KCTD16: variants seen among roughly 807,000 people sequenced by gnomAD.
KCTD16 encodes BTB/POZ domain-containing protein KCTD16.
In KCTD16, 13 loss-of-function variants were observed where a neutral mutation model predicts 33.2. The observed-to-expected ratio is 0.39, with a 90% CI of 0.25 to 0.62. KCTD16 has a LOEUF of 0.62. Ranked by LOEUF, KCTD16 falls within the 20% of genes least tolerant of loss-of-function variation. The probability of loss-of-function intolerance (pLI) is 0.50; values close to 1 mark genes in which losing one functional copy is unlikely to be tolerated. For missense variants in KCTD16, 441 were observed against 525.1 expected, an observed-to-expected ratio of 0.84 and a Z score of 1.57; for synonymous variants, 197 against 195.3, an observed-to-expected ratio of 1.01 and a Z score of -0.07.
intron 3 of KCTD16, among the ~76,000 whole-genome samples, chr5:144,265,711 T>C (rs1394984918): frequency 6.6e-6 from 1 of 152,220 alleles, no homozygotes; most frequent in Non-Finnish European, 1.5e-5. Flanking sequence ...AACATAAATA[T>C]ATGTCATGTG....
chr5:144,471,477 T>C (rs1206721041), intron 3 of KCTD16, among the ~76,000 whole-genome samples: 1 of 152,196 alleles, frequency 6.6e-6, no homozygotes, highest in East Asian at 1.9e-4. Flanking sequence ...TCTACACTTT[T>C]CCAAAAAGGT....
intron 3 of KCTD16, among the ~76,000 whole-genome samples, chr5:144,241,913 A>G (rs1341279114): frequency 6.6e-6 from 1 of 152,164 alleles, no homozygotes; most frequent in Non-Finnish European, 1.5e-5. Context: ...CTGGTGCCAC[A>G]TCTATGATAC....
chr5:144,382,017 T>TATACATACATACATACATACATAC lies in KCTD16; in HGVS notation c.833-91635_833-91612dup, dbSNP rs111382461. Among the ~76,000 whole-genome samples, 283 of 149,870 alleles carry TATACATACATACATACATACATAC rather than the reference T, an allele frequency of 1.9e-3. 3 individuals carry two copies. Among genetic ancestry groups the TATACATACATACATACATACATAC allele is most frequent in the African/African-American group, 6.8e-3 (276 of 40,736 alleles). On this transcript the variant is annotated intron_variant, in intron 3 of 3. Coordinates refer to ENST00000512467, the MANE Select transcript of KCTD16 (RefSeq NM_020768.4). ...TGGACTGGATGAAAGAAGATGTTTA[T>TATACATACATACATACATACATAC]ATACATACATACATACATACATACA...
At chr5:144,291,371 C>T (rs1216765198) in intron 3 of KCTD16, among the ~76,000 whole-genome samples, 1 of 152,136 alleles carries the variant, frequency 6.6e-6, no homozygotes, top group East Asian at 1.9e-4. Flanking sequence ...TGATTTCTTC[C>T]TCAACTCTCT....
At chr5:144,296,991 G>A (rs1228071672) in intron 3 of KCTD16, among the ~76,000 whole-genome samples, 1 of 152,130 alleles carries the variant, frequency 6.6e-6, no homozygotes, top group Non-Finnish European at 1.5e-5. Flanking sequence ...ATTTGCTCAT[G>A]TCCTGAACTT....
At chr5:144,408,850 T>C (rs1480124559) in intron 3 of KCTD16, among the ~76,000 whole-genome samples, 2 of 152,192 alleles carry the variant, frequency 1.3e-5, no homozygotes, top group African/African-American at 4.8e-5. Flanking sequence ...TCATGTTCCT[T>C]ATTCCTCCCC....
intron 3 of KCTD16, among the ~76,000 whole-genome samples, chr5:144,277,881 A>C (rs968775808): frequency 3.3e-5 from 5 of 152,192 alleles, no homozygotes; most frequent in African/African-American, 1.2e-4. Flanking sequence ...TTATTGTTGC[A>C]TTTTTGTTAA....
rs1249124378 is a variant in KCTD16 at position 144,476,069 on chromosome 5, G to A, written c.*1955G>A. 6.6e-6 allele frequency: 1 copy of A among 152,184 alleles called. No individual in the cohort carries two copies. The highest frequency in any genetic ancestry group is 2.4e-5 in the African/African-American group (1 of 41,446). 9.4% of individuals were successfully genotyped at this position (152,184 alleles called of 1,614,324 possible). ...TCTTAACTACAACATAGCTTTGTTT[G>A]TAAACTTACCAGTATGTCTTGATTC... On this transcript the variant is annotated 3_prime_UTR_variant, in exon 4 of 4. Transcript: ENST00000512467.
chr5:144,205,115 C>A (rs747762372), intron 2 of KCTD16, among the ~76,000 whole-genome samples: 2 of 152,090 alleles, frequency 1.3e-5, no homozygotes, highest in Non-Finnish European at 2.9e-5. Flanking sequence ...GAGGTAAAGA[C>A]AAGGAAGAAG....
chr5:144,248,164 G>C (rs977062981), intron 3 of KCTD16, among the ~76,000 whole-genome samples: 1 of 152,174 alleles, frequency 6.6e-6, no homozygotes, highest in Non-Finnish European at 1.5e-5. Context: ...AAGCCCCTTG[G>C]AGGCAGAGAC....
At chr5:144,321,561 G>A (rs963817711) in intron 3 of KCTD16, among the ~76,000 whole-genome samples, 1 of 152,162 alleles carries the variant, frequency 6.6e-6, no homozygotes, top group African/African-American at 2.4e-5. Flanking sequence ...TAGCTGCAAT[G>A]TTTTAATTCA....
At chr5:144,393,087 T>C (rs1322414774) in intron 3 of KCTD16, among the ~76,000 whole-genome samples, 2 of 152,218 alleles carry the variant, frequency 1.3e-5, no homozygotes, top group African/African-American at 2.4e-5. Flanking sequence ...TGATGAATGA[T>C]AGTATAATTT....
intron 3 of KCTD16, among the ~76,000 whole-genome samples, chr5:144,458,636 A>G (rs530470626): frequency 6.6e-6 from 1 of 152,214 alleles, no homozygotes; most frequent in South Asian, 2.1e-4. Flanking sequence ...CTGGGGTCCA[A>G]TAGAAATCTA....
At chr5:144,278,956 T>A (rs1006169668) in intron 3 of KCTD16, among the ~76,000 whole-genome samples, 3 of 152,230 alleles carry the variant, frequency 2.0e-5, no homozygotes, top group African/African-American at 7.2e-5. Context: ...TAATGAGATA[T>A]CCCTCTACTT....
intron 3 of KCTD16, among the ~76,000 whole-genome samples, chr5:144,467,072 AATATATATAGTGT>A (rs1754359856): frequency 7.6e-6 from 1 of 132,268 alleles, no homozygotes; most frequent in African/African-American, 2.8e-5. Context: ...TATTATATAT[AATATATATAGTGT>A]TATATATATT....
intron 3 of KCTD16, among the ~76,000 whole-genome samples, chr5:144,368,507 A>G (rs1751889583): frequency 6.6e-6 from 1 of 152,204 alleles, no homozygotes; most frequent in African/African-American, 2.4e-5. Flanking sequence ...AACTCAGACC[A>G]GTAGCCACAA....
At chr5:144,465,108 CA>C (rs1418367694) in intron 3 of KCTD16, among the ~76,000 whole-genome samples, 1 of 150,684 alleles carries the variant, frequency 6.6e-6, no homozygotes, top group Non-Finnish European at 1.5e-5. Flanking sequence ...TGAAATAATA[CA>C]AGTAAAATGT....
At chr5:144,412,093 G>A (rs370799517) in intron 3 of KCTD16, among the ~76,000 whole-genome samples, 12 of 152,276 alleles carry the variant, frequency 7.9e-5, no homozygotes, top group East Asian at 7.7e-4. Context: ...AATTAGTACA[G>A]CCACTATGGA....
intron 3 of KCTD16, among the ~76,000 whole-genome samples, chr5:144,403,890 C>T (rs1028714421): frequency 4.6e-5 from 7 of 152,130 alleles, no homozygotes; most frequent in Admixed American, 2.6e-4. Context: ...ACTCCACCCC[C>T]ATTCTATTTG....
Sources: gnomAD v4.1 joint callset for allele counts (sites outside exome capture counted in the v4.1 genomes callset) on GRCh38, gnomAD v4.1.1 for gene constraint, MANE v1.5 for transcripts, NCBI Gene and HGNC (gene_info 2026-07-23, HGNC 2026-07-21) for gene names.